The following DAAM1 variants were observed in gnomAD, a reference collection of about 807,000 sequenced individuals.
DAAM1 encodes dishevelled associated activator of morphogenesis 1, also known as disheveled-associated activator of morphogenesis 1.
A neutral mutation model predicts 130.0 loss-of-function variants in DAAM1; 52 were observed. The observed-to-expected ratio is 0.40, with a 90% confidence interval of 0.32 to 0.50. The LOEUF (loss-of-function observed/expected upper bound fraction) is 0.50, where lower values mean the gene tolerates loss of function less well. DAAM1 is among the 20% of genes least tolerant of loss of function. DAAM1 has a pLI of 0.61. For synonymous variants in DAAM1, 452 were observed against 444.5 expected, an observed-to-expected ratio of 1.02 and a Z score of -0.21; for missense variants, 1,134 against 1,303.8, an observed-to-expected ratio of 0.87 and a Z score of 2.01.
At chr14:59,313,737 A>G (rs1884681094) in intron 3 of DAAM1, among the ~76,000 whole-genome samples, 1 of 152,244 alleles carries the variant, frequency 6.6e-6, no homozygotes, top group Non-Finnish European at 1.5e-5. Flanking sequence ...TTTAAGAGGA[A>G]AGAAGGGTTT....
intron 1 of DAAM1, among the ~76,000 whole-genome samples, chr14:59,258,393 C>G (rs1487058154): frequency 1.3e-5 from 2 of 152,062 alleles, no homozygotes; most frequent in African/African-American, 4.8e-5. Context: ...AGTGTGTGGC[C>G]CCTCAAACTT....
intron 1 of DAAM1, among the ~76,000 whole-genome samples, chr14:59,248,995 G>A (rs961838839): frequency 3.9e-5 from 6 of 152,188 alleles, no homozygotes; most frequent in African/African-American, 1.4e-4. Context: ...CACCGTGTTA[G>A]CCAGGATGGT....
At chr14:59,216,387 T>C (rs1335148532) in intron 1 of DAAM1, among the ~76,000 whole-genome samples, 2 of 152,200 alleles carry the variant, frequency 1.3e-5, no homozygotes, top group Non-Finnish European at 2.9e-5. Flanking sequence ...TTGTCTGTAT[T>C]TCATAGAGTA....
chr14:59,232,295 C>A (rs1044052270), intron 1 of DAAM1, among the ~76,000 whole-genome samples: 3 of 152,186 alleles, frequency 2.0e-5, no homozygotes, highest in African/African-American at 7.2e-5. Flanking sequence ...ACTACTGGTT[C>A]TTCCTAAATG....
chr14:59,298,648 G>A (rs1366970075), intron 3 of DAAM1, among the ~76,000 whole-genome samples: 1 of 152,206 alleles, frequency 6.6e-6, no homozygotes, highest in Non-Finnish European at 1.5e-5. Flanking sequence ...GATTTGAAGT[G>A]TGAAATACTG....
At chr14:59,359,278 ATTGTGGGTTCTACCAT>A (rs1198737689) in intron 20 of DAAM1, 103 bp from the exon 21 acceptor site, 1 of 763,054 alleles carries the variant, frequency 1.3e-6, no homozygotes, top group Non-Finnish European at 2.1e-6. Flanking sequence ...ATATAGCATT[ATTGTGGGTTCTACCAT>A]TTGAGCATAT....
At chr14:59,275,073 G>A (rs1882901322) in intron 2 of DAAM1, among the ~76,000 whole-genome samples, 1 of 152,200 alleles carries the variant, frequency 6.6e-6, no homozygotes, top group South Asian at 2.1e-4. Context: ...AGGGGCCTGG[G>A]CTGGCAAGAG....
At chr14:59,201,961 T>G (rs1191684485) in intron 1 of DAAM1, among the ~76,000 whole-genome samples, 2 of 152,184 alleles carry the variant, frequency 1.3e-5, no homozygotes, top group Non-Finnish European at 2.9e-5. Flanking sequence ...CTATTATATT[T>G]TGGCAGGTTT....
At chr14:59,250,795 C>T (rs1228795695) in intron 1 of DAAM1, among the ~76,000 whole-genome samples, 3 of 152,314 alleles carry the variant, frequency 2.0e-5, no homozygotes, top group East Asian at 1.9e-4. Context: ...ATATGCATCC[C>T]GTATATAGGT....
chr14:59,309,762 C>G (rs932136271), intron 3 of DAAM1, among the ~76,000 whole-genome samples: 1 of 152,114 alleles, frequency 6.6e-6, no homozygotes, highest in African/African-American at 2.4e-5. Context: ...TAGCCATCTT[C>G]GAGAAGATGC....
Position 59,294,137 on chromosome 14 carries a change from C to T in DAAM1, c.273+2831C>T, listed in dbSNP as rs551418117. 2.2e-4 allele frequency among the ~76,000 whole-genome samples: 33 copies of T among 152,200 alleles called. No homozygotes were observed. In the South Asian group the frequency reaches 6.6e-3, roughly 31 times the overall value. ...AGAGTAAGGGGCCACTGAAGCCAAC[C>T]GAAACAGATGGCGTGAGTTGGTGAA... On this transcript the variant is annotated intron_variant, in intron 3 of 24. Transcript: ENST00000360909.
intron 1 of DAAM1, among the ~76,000 whole-genome samples, chr14:59,241,900 T>G (rs1014721353): frequency 1.3e-5 from 2 of 152,200 alleles, no homozygotes; most frequent in African/African-American, 2.4e-5. Flanking sequence ...TCTCTCTCTT[T>G]TTTTTCCCCC....
intron 1 of DAAM1, among the ~76,000 whole-genome samples, chr14:59,262,001 G>A (rs549149656): frequency 2.7e-5 from 4 of 150,620 alleles, no homozygotes; most frequent in East Asian, 3.9e-4. Flanking sequence ...ACCAAGATAT[G>A]TTTCTCCTCC....
At chr14:59,215,557 C>T (rs1211064445) in intron 1 of DAAM1, among the ~76,000 whole-genome samples, 1 of 152,192 alleles carries the variant, frequency 6.6e-6, no homozygotes. Context: ...TGTTAAAGGC[C>T]TGCACCAGGC....
At chr14:59,334,985 T>A (rs1322890765) in intron 15 of DAAM1, among the ~76,000 whole-genome samples, 1 of 152,162 alleles carries the variant, frequency 6.6e-6, no homozygotes, top group Admixed American at 6.5e-5. Context: ...AACCTTAAGA[T>A]TTAGTTCTCA....
At chr14:59,361,409 G>A (rs943009802) in intron 22 of DAAM1, among the ~76,000 whole-genome samples, 6 of 152,214 alleles carry the variant, frequency 3.9e-5, no homozygotes, top group African/African-American at 9.6e-5. Context: ...GATAAGCAGA[G>A]TGATTACGGA....
At chr14:59,359,017 T>G (rs1280358162) in intron 20 of DAAM1, among the ~76,000 whole-genome samples, 1 of 152,088 alleles carries the variant, frequency 6.6e-6, no homozygotes, top group Non-Finnish European at 1.5e-5. Context: ...TTAGGGTGGA[T>G]CCACTGGGAA....
At chr14:59,213,405 T>A (rs1888488337) in intron 1 of DAAM1, among the ~76,000 whole-genome samples, 1 of 151,686 alleles carries the variant, frequency 6.6e-6, no homozygotes, top group Admixed American at 6.6e-5. Flanking sequence ...CCCACCTTGT[T>A]TCACACATGA....
At position 59,239,115 on chromosome 14, in the gene DAAM1, G is replaced by A. The variant is rs556566302; in HGVS notation, c.-37-24326G>A. Among the ~76,000 whole-genome samples the A allele has an allele frequency of 1.2e-4, 19 of 152,148 alleles. No homozygotes were observed. The South Asian group carries it at 1.9e-3, about 15-fold the overall frequency. On this transcript the variant is annotated intron_variant, in intron 1 of 24. Coordinates refer to ENST00000360909, the MANE Select transcript of DAAM1 (RefSeq NM_001270520.2). The stretch of plus-strand genomic sequence containing the variant: ...CTGTGCCTCTCTCTTTTTCTCTCAG[G>A]GTTGTTGGGAAAATAAAATGATACT...
Sources: gnomAD v4.1 joint callset for allele counts (sites outside exome capture counted in the v4.1 genomes callset) on GRCh38, gnomAD v4.1.1 for gene constraint, MANE v1.5 for transcripts, NCBI Gene and HGNC (gene_info 2026-07-23, HGNC 2026-07-21) for gene names.